FREM2: variants seen among roughly 807,000 people sequenced by gnomAD.
FREM2 encodes FRAS1 related extracellular matrix 2.
A neutral mutation model predicts 219.9 loss-of-function variants in FREM2; 119 were observed. The ratio of observed to expected loss-of-function variants is 0.54; its 90% CI spans 0.47 to 0.63. FREM2 has a LOEUF of 0.63. Among genes scored for constraint, FREM2 ranks in the 30% least tolerant of loss-of-function variants. FREM2 has a pLI of 0.00. For synonymous variants in FREM2, 1,562 were observed against 1,522.8 expected, an observed-to-expected ratio of 1.03 and a Z score of -0.60; for missense variants, 4,030 against 3,993.6, an observed-to-expected ratio of 1.01 and a Z score of -0.25.
intron 6 of FREM2, among the ~76,000 whole-genome samples, chr13:38,799,744 C>G (rs139903949): frequency 1.3e-3 from 190 of 151,820 alleles, no homozygotes; most frequent in South Asian, 8.5e-3. Flanking sequence ...TTCTTTCTTA[C>G]TGTTTTTGAC....
intron 4 of FREM2, among the ~76,000 whole-genome samples, chr13:38,772,733 G>T (rs775071539): frequency 4.1e-5 from 6 of 147,830 alleles, no homozygotes; most frequent in Non-Finnish European, 8.9e-5. Context: ...TTTCGCTCTC[G>T]CTGCCCAGGC....
At chr13:38,781,667 A>G (rs1011359111) in intron 4 of FREM2, among the ~76,000 whole-genome samples, 1 of 152,192 alleles carries the variant, frequency 6.6e-6, no homozygotes, top group East Asian at 1.9e-4. Flanking sequence ...AAAAATTAGT[A>G]TGTCAGTCAT....
intron 1 of FREM2, 90 bp from the exon 2 acceptor site, chr13:38,697,607 AT>A: frequency 1.3e-6 from 1 of 769,218 alleles, no homozygotes; most frequent in Non-Finnish European, 2.3e-6. Flanking sequence ...AAACATGTTT[AT>A]AGGAAAACTA....
Position 38,730,845 on chromosome 13 carries a change from T to A in FREM2, c.5263+33058T>A, listed in dbSNP as rs574306768. 1.2e-4 allele frequency among the ~76,000 whole-genome samples: 19 copies of A among 152,238 alleles called. No homozygotes were observed. The South Asian group carries it at 3.9e-3, about 32-fold the overall frequency. ...AAGAAAAGGTTCAAAGACATTATTA[T>A]TCTTTAAGTTTTTGAAGTGTAAAGA... On this transcript the variant is annotated intron_variant, in intron 2 of 23. Transcript: ENST00000280481.
At chr13:38,767,088 T>C (rs924905256) in intron 3 of FREM2, among the ~76,000 whole-genome samples, 1 of 152,200 alleles carries the variant, frequency 6.6e-6, no homozygotes, top group Non-Finnish European at 1.5e-5. Flanking sequence ...AGAGCTGAGA[T>C]TGGGCAAAAG....
chr13:38,814,608 G>A (rs567740823), intron 6 of FREM2, among the ~76,000 whole-genome samples: 1 of 152,280 alleles, frequency 6.6e-6, no homozygotes, highest in African/African-American at 2.4e-5. Context: ...CACACCTGAA[G>A]CCTGTAAAGT....
rs751996088 is a variant in FREM2 at position 38,691,610 on chromosome 13, T to A, written c.4266T>A (p.Pro1422=). 4.3e-6 allele frequency: 7 copies of A among 1,614,056 alleles called. No individual in the cohort carries two copies. The African/African-American group carries it at 6.7e-5, about 15-fold the overall frequency. Reference sequence around the variant, plus strand: ...TCGGGAGCATTGACATTGTCTTCCCTGATGTGATAAGTAAGGGAGTGTCCT... The same window carrying A: ...TCGGGAGCATTGACATTGTCTTCCCAGATGTGATAAGTAAGGGAGTGTCCT... ...VSIGSIDIVF[P]DVISKGVSLK... is the part of the protein sequence containing the mutation. The change falls in exon 1 of 24, where the codon CCT becomes CCA. Residue 1422 remains proline, a synonymous_variant. Transcript: ENST00000280481.
At chr13:38,754,711 C>T (rs1872912240) in intron 2 of FREM2, among the ~76,000 whole-genome samples, 1 of 152,072 alleles carries the variant, frequency 6.6e-6, no homozygotes, top group Non-Finnish European at 1.5e-5. Flanking sequence ...GTCGCCAAGG[C>T]TGAGCTGAAT....
chr13:38,764,748 C>T (rs1873367870), intron 3 of FREM2, among the ~76,000 whole-genome samples: 1 of 152,114 alleles, frequency 6.6e-6, no homozygotes, highest in Non-Finnish European at 1.5e-5. Context: ...GTAATTTACC[C>T]GTAAGATAAA....
chr13:38,689,793 AC>A lies in FREM2; in HGVS notation c.2451del (p.Phe818LeufsTer30), dbSNP rs1489152394. 1 of 1,613,852 alleles carries A rather than the reference AC, an allele frequency of 6.2e-7. No homozygotes were observed. The highest frequency in any genetic ancestry group is 1.7e-5 in the Admixed American group (1 of 59,996). On this transcript the variant is annotated frameshift_variant, in exon 1 of 24. Transcript: ENST00000280481. LOFTEE classifies it high-confidence loss of function. ...EDRAGNVAPG[T>X]FTLYLHPVDN... ...CCGAGCTGGGAATGTGGCTCCAGGT[AC>A]CTTTACCCTTTACTTGCATCCCGTG...
chr13:38,870,483 C>T (rs1367463385), intron 16 of FREM2, among the ~76,000 whole-genome samples: 2 of 152,024 alleles, frequency 1.3e-5, no homozygotes, highest in East Asian at 3.9e-4. Flanking sequence ...ACAAATACCT[C>T]GAAAAGTCCT....
At chr13:38,752,593 GA>G (rs1262292250) in intron 2 of FREM2, among the ~76,000 whole-genome samples, 1 of 152,042 alleles carries the variant, frequency 6.6e-6, no homozygotes, top group Non-Finnish European at 1.5e-5. Context: ...GGTAATAATG[GA>G]AACAAGTCAG....
chr13:38,745,551 T>C (rs1048460796), intron 2 of FREM2, among the ~76,000 whole-genome samples: 4 of 152,220 alleles, frequency 2.6e-5, no homozygotes, highest in Admixed American at 1.3e-4. Flanking sequence ...GTTTTGTCTT[T>C]TCTATTAAAA....
At chr13:38,732,119 A>G (rs1871790286) in intron 2 of FREM2, among the ~76,000 whole-genome samples, 1 of 152,254 alleles carries the variant, frequency 6.6e-6, no homozygotes. Context: ...GAATGTTAAT[A>G]GTAAAGATGC....
chr13:38,826,387 T>A (rs538802947), intron 6 of FREM2, among the ~76,000 whole-genome samples: 25 of 152,098 alleles, frequency 1.6e-4, no homozygotes, highest in Admixed American at 4.6e-4. Flanking sequence ...GAACAATGAT[T>A]TTTTTTTCCA....
intron 2 of FREM2, among the ~76,000 whole-genome samples, chr13:38,759,112 A>G (rs1462138607): frequency 2.0e-5 from 3 of 152,218 alleles, no homozygotes; most frequent in Non-Finnish European, 4.4e-5. Flanking sequence ...CTTTTCTCAT[A>G]TAAATATCTA....
chr13:38,692,144 C>T lies in FREM2; in HGVS notation c.4800C>T (p.Asn1600=). ...MVFTKQDLNE[N]LISYKHDGTE... ...TTACCAAGCAAGACTTGAATGAAAA[C>T]TTAATCAGCTACAAACATGATGGCA... Residue 1600 remains asparagine, a synonymous_variant, in exon 1 of 24, where the codon AAC becomes AAT. Coordinates refer to ENST00000280481, the MANE Select transcript of FREM2 (RefSeq NM_207361.6). The T allele has an allele frequency of 6.2e-7, 1 of 1,614,212 alleles. No individual in the cohort carries two copies. Among genetic ancestry groups the T allele is most frequent in the Middle Eastern group, 1.6e-4 (1 of 6,062 alleles).
chr13:38,848,127 G>C (rs576127959), intron 7 of FREM2, among the ~76,000 whole-genome samples: 1 of 152,238 alleles, frequency 6.6e-6, no homozygotes, highest in Non-Finnish European at 1.5e-5. Flanking sequence ...ATATTTGATT[G>C]ATATGCTGAT....
chr13:38,855,169 C>G (rs1270762831), intron 11 of FREM2, among the ~76,000 whole-genome samples: 2 of 151,714 alleles, frequency 1.3e-5, no homozygotes, highest in Non-Finnish European at 2.9e-5. Context: ...ATTTAACTTT[C>G]ATGACAAAGA....
Sources: allele counts gnomAD v4.1 joint callset (sites outside exome capture counted in the v4.1 genomes callset), GRCh38; gene constraint gnomAD v4.1.1; transcripts MANE v1.5; gene names NCBI Gene and HGNC (gene_info 2026-07-23, HGNC 2026-07-21).